KAZN: variants seen among roughly 807,000 people sequenced by gnomAD.
KAZN encodes the protein kazrin.
A neutral mutation model predicts 87.4 loss-of-function variants in KAZN; 40 were observed. The observed-to-expected ratio is 0.46, with a 90% confidence interval of 0.36 to 0.60. The LOEUF is 0.60. KAZN is among the 20% of genes least tolerant of loss of function. The pLI, the probability that KAZN is intolerant of heterozygous loss-of-function variation, is 0.00. For missense variants in KAZN, 898 were observed against 1,073.9 expected (o/e 0.84, Z 2.29); for synonymous variants, 466 against 458.3 (o/e 1.02, Z -0.22).
chr1:14,417,714 G>T (rs928912212), intron 2 of KAZN, among the ~76,000 whole-genome samples: 1 of 152,012 alleles, frequency 6.6e-6, no homozygotes, highest in African/African-American at 2.4e-5. Context: ...AACCTACATC[G>T]GGCCGGGTGT....
chr1:14,775,971 C>T (rs561799455), intron 1 of KAZN, among the ~76,000 whole-genome samples: 18 of 152,272 alleles, frequency 1.2e-4, no homozygotes, highest in African/African-American at 3.4e-4. Context: ...GTGATCACTG[C>T]GACCCTCTCC....
chr1:14,718,059 C>T (rs1469753362), intron 1 of KAZN, among the ~76,000 whole-genome samples: 1 of 152,204 alleles, frequency 6.6e-6, no homozygotes, highest in Non-Finnish European at 1.5e-5. Context: ...CAAAGACCGC[C>T]GGCATTGGCT....
chr1:14,918,993 A>G (rs995934167), intron 1 of KAZN, among the ~76,000 whole-genome samples: 2 of 151,988 alleles, frequency 1.3e-5, no homozygotes, highest in Non-Finnish European at 2.9e-5. Context: ...TTATGCAGCA[A>G]TAGGTAATAT....
At chr1:14,367,432 G>A (rs1056425930) in intron 2 of KAZN, among the ~76,000 whole-genome samples, 1 of 152,094 alleles carries the variant, frequency 6.6e-6, no homozygotes, top group Non-Finnish European at 1.5e-5. Flanking sequence ...TCTTCTCTCT[G>A]ATGGAGCCTG....
intron 1 of KAZN, among the ~76,000 whole-genome samples, chr1:14,878,803 G>A (rs889548821): frequency 2.0e-5 from 3 of 152,134 alleles, no homozygotes; most frequent in African/African-American, 7.2e-5. Flanking sequence ...GTTGCTCTGG[G>A]AACACGTTTC....
At chr1:14,370,409 G>C (rs1019486155) in intron 2 of KAZN, among the ~76,000 whole-genome samples, 1 of 152,180 alleles carries the variant, frequency 6.6e-6, no homozygotes, top group African/African-American at 2.4e-5. Flanking sequence ...TATCATTCAG[G>C]GATCTGAGCT....
In KAZN at chr1:13,972,638, G is replaced by A. The variant is rs549920560; in HGVS notation, c.91+78882G>A. ...TACTCTGATAGTTTTGGAGATAGGC[G>A]AGGACCAACCCATCTCTCAGCCTCG... On this transcript the variant is annotated intron_variant, in intron 1 of 16. Transcript: ENST00000636203. Among the ~76,000 whole-genome samples, 235 of 152,302 alleles carry A rather than the reference G, an allele frequency of 1.5e-3. 1 individual carries two copies. The highest frequency in any genetic ancestry group is 5.6e-3 in the African/African-American group (232 of 41,570).
intron 8 of KAZN, 59 bp downstream of exon 8, chr1:15,065,812 C>A: frequency 6.3e-7 from 1 of 1,593,336 alleles, no homozygotes; most frequent in Non-Finnish European, 8.6e-7. Flanking sequence ...CGCTCCCCTG[C>A]GCCTGCTGCC....
intron 1 of KAZN, among the ~76,000 whole-genome samples, chr1:13,893,961 T>C (rs1274493096): frequency 1.3e-5 from 2 of 152,246 alleles, no homozygotes; most frequent in Non-Finnish European, 2.9e-5. Flanking sequence ...TTTTTAGGAC[T>C]TGCCATGAGA....
chr1:14,943,333 C>A (rs1431943604), intron 1 of KAZN, among the ~76,000 whole-genome samples: 1 of 151,998 alleles, frequency 6.6e-6, no homozygotes, highest in African/African-American at 2.4e-5. Flanking sequence ...ATTAGGATTG[C>A]AGGATCACTT....
At chr1:14,244,144 T>C (rs959890610) in intron 2 of KAZN, among the ~76,000 whole-genome samples, 3 of 152,228 alleles carry the variant, frequency 2.0e-5, no homozygotes, top group African/African-American at 7.2e-5. Flanking sequence ...TCTTGAGATA[T>C]ACCCTCTTTT....
chr1:14,672,911 C>A (rs1236302139), intron 1 of KAZN, among the ~76,000 whole-genome samples: 1 of 152,172 alleles, frequency 6.6e-6, no homozygotes, highest in Non-Finnish European at 1.5e-5. Context: ...CTTCTCTGAG[C>A]CACAAGCTTC....
chr1:14,686,691 G>C (rs1165856313), intron 1 of KAZN, among the ~76,000 whole-genome samples: 1 of 152,188 alleles, frequency 6.6e-6, no homozygotes, highest in Non-Finnish European at 1.5e-5. Context: ...GGGAAGCCCA[G>C]AGGAGAAGGG....
chr1:14,255,886 C>T (rs543612314), intron 2 of KAZN, among the ~76,000 whole-genome samples: 3 of 152,288 alleles, frequency 2.0e-5, no homozygotes, highest in African/African-American at 7.2e-5. Context: ...CCAAAGTGTG[C>T]ACTGCTGTGT....
At chr1:15,108,488 A>G (rs1357406692) in intron 13 of KAZN, among the ~76,000 whole-genome samples, 1 of 151,922 alleles carries the variant, frequency 6.6e-6, no homozygotes, top group East Asian at 1.9e-4. Flanking sequence ...GGGGATGATC[A>G]CTCCTTCTTC....
intron 2 of KAZN, among the ~76,000 whole-genome samples, chr1:14,446,248 G>A (rs750322555): frequency 9.9e-5 from 15 of 152,080 alleles, no homozygotes; most frequent in Admixed American, 2.0e-4. Flanking sequence ...GTGCTAATTT[G>A]AGCAGGGGAA....
chr1:14,177,538 G>A (rs748553574), intron 1 of KAZN, among the ~76,000 whole-genome samples: 5 of 152,294 alleles, frequency 3.3e-5, no homozygotes, highest in Middle Eastern at 3.4e-3. Flanking sequence ...CTGTACATTG[G>A]CAATTTCGGT....
In KAZN at chr1:15,018,172, T is replaced by TA. The variant is rs1323524872; in HGVS notation, c.419-16576dup. On this transcript the variant is annotated intron_variant, in intron 2 of 14. Coordinates refer to ENST00000376030, the MANE Select transcript of KAZN (RefSeq NM_201628.3). Reference sequence around the variant, plus strand: ...GTACGTCTGCTCACACATATAATTTTACTATGAGATAGTTTATCAGTCCTG... The same window carrying TA: ...GTACGTCTGCTCACACATATAATTTTAACTATGAGATAGTTTATCAGTCCTG... 3.3e-5 allele frequency among the ~76,000 whole-genome samples: 5 copies of TA among 152,220 alleles called. 1 individual carries two copies. The highest frequency in any genetic ancestry group is 5.9e-5 in the Non-Finnish European group (4 of 68,040).
chr1:15,048,739 C>CGGTCCTGGGTCGTA (rs1673925635), intron 4 of KAZN, among the ~76,000 whole-genome samples: 1 of 118,034 alleles, frequency 8.5e-6, no homozygotes, highest in Non-Finnish European at 1.7e-5. Flanking sequence ...CATGGGTCGT[C>CGGTCCTGGGTCGTA]GATCCTGGGT....
Sources: allele counts gnomAD v4.1 joint callset (sites outside exome capture counted in the v4.1 genomes callset), GRCh38; gene constraint gnomAD v4.1.1; transcripts MANE v1.5; gene names NCBI Gene and HGNC (gene_info 2026-07-23, HGNC 2026-07-21).